The following SCN10A variants were observed in gnomAD, a reference collection of about 807,000 sequenced individuals.
The protein encoded by SCN10A is sodium voltage-gated channel alpha subunit 10.
SCN10A carries 162 observed loss-of-function variants against 170.7 expected under a neutral mutation model. The observed-to-expected ratio is 0.95, with a 90% CI of 0.84 to 1.08. The LOEUF (loss-of-function observed/expected upper bound fraction) is 1.08, where lower values mean the gene tolerates loss of function less well. Ranked by LOEUF, SCN10A falls within the 50% of genes least tolerant of loss-of-function variation. SCN10A has a pLI of 0.00. For missense variants in SCN10A, 2,527 were observed against 2,436.9 expected, an observed-to-expected ratio of 1.04 and a Z score of -0.78; for synonymous variants, 985 against 904.6, an observed-to-expected ratio of 1.09 and a Z score of -1.59.
chr3:38,758,591 A>G (rs1039376405), intron 8 of SCN10A, among the ~76,000 whole-genome samples: 2 of 152,136 alleles, frequency 1.3e-5, no homozygotes, highest in Non-Finnish European at 2.9e-5. Context: ...CTGCCTTGAG[A>G]CCCCTGACCT....
At chr3:38,731,395 C>T (rs2063512122) in intron 15 of SCN10A, among the ~76,000 whole-genome samples, 3 of 152,188 alleles carry the variant, frequency 2.0e-5, no homozygotes, top group Middle Eastern at 6.8e-3. Flanking sequence ...GTGTAATATA[C>T]AAGAATGTGA....
intron 4 of SCN10A, among the ~76,000 whole-genome samples, chr3:38,775,186 C>T (rs2064057739): frequency 6.6e-6 from 1 of 152,184 alleles, no homozygotes; most frequent in South Asian, 2.1e-4. Flanking sequence ...TCACCACTAT[C>T]TGTTTCCAAA....
chr3:38,752,145 A>G (rs776808849), intron 12 of SCN10A, 74 bp downstream of exon 12: 50 of 1,335,612 alleles, frequency 3.7e-5, no homozygotes, highest in South Asian at 6.9e-5. Flanking sequence ...TCCATTGGTG[A>G]TACTCAGGCT....
At position 38,723,545 on chromosome 3, in the gene SCN10A, G is replaced by T. The variant is rs745921364; in HGVS notation, c.3237C>A (p.Asp1079Glu). Residue 1079 changes from aspartate (D) to glutamate (E), a missense_variant, in exon 19 of 28, where the codon GAC becomes GAA. Physicochemically the swap from Asp to Glu is conservative, Grantham distance 45. Transcript: ENST00000449082. Reference sequence around the variant, plus strand: ...TGCTGCCCTCAGAGGAGCTTGTGTCGTCCACTCCCTGCAGGGGAGAAGCCC... The same window carrying T: ...TGCTGCCCTCAGAGGAGCTTGTGTCTTCCACTCCCTGCAGGGGAGAAGCCC... ...SVPQVPAEGV[D>E]DTSSSEGSTV... 1.3e-5 allele frequency: 21 copies of T among 1,594,086 alleles called. No individual in the cohort carries two copies. The highest frequency in any genetic ancestry group is 1.5e-5 in the Non-Finnish European group (18 of 1,169,578).
intron 1 of SCN10A, among the ~76,000 whole-genome samples, chr3:38,800,839 G>C (rs1440836551): frequency 6.6e-6 from 1 of 152,012 alleles, no homozygotes; most frequent in Admixed American, 6.6e-5. Context: ...GGACCCACTG[G>C]GTCTCTTCTT....
At chr3:38,704,578 G>C (rs2063190297) in intron 26 of SCN10A, among the ~76,000 whole-genome samples, 1 of 152,184 alleles carries the variant, frequency 6.6e-6, no homozygotes, top group African/African-American at 2.4e-5. Flanking sequence ...ATATTCTCTA[G>C]AGCCTATTAT....
At chr3:38,803,496 TG>T (rs1433303382) in intron 1 of SCN10A, among the ~76,000 whole-genome samples, 2 of 152,202 alleles carry the variant, frequency 1.3e-5, no homozygotes, top group African/African-American at 4.8e-5. Flanking sequence ...TCATGTCCTT[TG>T]TAGGGACATG....
chr3:38,795,535 T>C (rs1348464822), intron 1 of SCN10A, among the ~76,000 whole-genome samples: 2 of 151,894 alleles, frequency 1.3e-5, no homozygotes, highest in Non-Finnish European at 2.9e-5. Context: ...GTAGGCAGTG[T>C]ACCACTATAT....
rs138739418 is a variant in SCN10A, at chr3:38,793,879, C to T, written c.132G>A (p.Gln44=). 41 of 1,613,998 alleles carry T rather than the reference C, an allele frequency of 2.5e-5. No homozygotes were observed. Among genetic ancestry groups the T allele is most frequent in the Non-Finnish European group, 3.4e-5 (40 of 1,179,990 alleles). The change falls in exon 2 of 28, where the codon CAG becomes CAA. Residue 44 remains glutamine, a synonymous_variant. Transcript: ENST00000449082. ...GCCGAGGCTTCTCTTCTTGGTCCTT[C>T]TGCTCCCTATGCTTCTCTCTGGCTT... ...TKKAREKHRE[Q]KDQEEKPRPQ...
intron 6 of SCN10A, among the ~76,000 whole-genome samples, chr3:38,762,275 T>C (rs2063883085): frequency 2.6e-5 from 4 of 152,052 alleles, no homozygotes; most frequent in Admixed American, 2.6e-4. Flanking sequence ...GCATGTCGAG[T>C]GCCGTTGTCT....
At chr3:38,789,085 T>C in intron 3 of SCN10A, 49 bp from the exon 4 acceptor site, 1 of 1,056,290 alleles carries the variant, frequency 9.5e-7, no homozygotes, top group Non-Finnish European at 1.5e-6. Context: ...GTCTCTGTGA[T>C]GTCATCTAGG....
intron 1 of SCN10A, among the ~76,000 whole-genome samples, chr3:38,808,509 G>C (rs1246113326): frequency 6.6e-6 from 1 of 152,260 alleles, no homozygotes; most frequent in Non-Finnish European, 1.5e-5. Context: ...TTCCTCTGCT[G>C]TATCCTCAGC....
intron 11 of SCN10A, 145 bp downstream of exon 11, chr3:38,755,643 A>G: frequency 2.4e-6 from 2 of 847,866 alleles, no homozygotes. Context: ...CTAGTTTAAG[A>G]CACCATTTTG....
At position 38,697,709 on chromosome 3, in the gene SCN10A, T is replaced by C; in HGVS notation, c.5511A>G (p.Ser1837=). ...EKFMATNLSK[S]SYEPIATTLR... is the part of the protein sequence containing the mutation. The stretch of plus-strand genomic sequence containing the variant: ...GAGTGGTTGCTATTGGTTCATAGGA[T>C]GATTTTGAAAGATTAGTTGCCATAA... The change falls in exon 28 of 28, where the codon TCA becomes TCG. Residue 1837 remains serine (S), a synonymous_variant. Transcript: ENST00000449082. The C allele has an allele frequency of 6.2e-7, 1 of 1,614,108 alleles. No individual in the cohort carries two copies. The highest frequency in any genetic ancestry group is 8.5e-7 in the Non-Finnish European group (1 of 1,180,014).
chr3:38,791,301 A>C (rs1219279766), intron 3 of SCN10A, among the ~76,000 whole-genome samples: 1 of 152,206 alleles, frequency 6.6e-6, no homozygotes, highest in Admixed American at 6.5e-5. Context: ...TTAGGAAACC[A>C]AACCAAAGTA....
intron 3 of SCN10A, 68 bp from the exon 4 acceptor site, chr3:38,789,104 G>T (rs990030055): frequency 1.2e-6 from 1 of 856,896 alleles, no homozygotes; most frequent in Non-Finnish European, 2.0e-6. Flanking sequence ...GGATCACCTT[G>T]ATGCTGAATG....
In SCN10A at chr3:38,805,607, A is replaced by C. The variant is rs147627502; in HGVS notation, c.-33+10430T>G. Among the ~76,000 whole-genome samples the C allele has an allele frequency of 2.2e-3, 333 of 152,254 alleles. 1 individual carries two copies. Among genetic ancestry groups the C allele is most frequent in the Non-Finnish European group, 3.1e-3 (210 of 67,996 alleles). ...TCTGATGGGAGCAACAGGACACCGGACATATGAGTAAGCTGTCTAGGAAAG... is the reference window on the plus strand; with the variant it reads ...TCTGATGGGAGCAACAGGACACCGGCCATATGAGTAAGCTGTCTAGGAAAG... On this transcript the variant is annotated intron_variant, in intron 1 of 27. Coordinates refer to ENST00000449082, the MANE Select transcript of SCN10A (RefSeq NM_006514.4).
intron 20 of SCN10A, among the ~76,000 whole-genome samples, chr3:38,721,115 G>A (rs561665122): frequency 1.9e-4 from 29 of 152,240 alleles, no homozygotes; most frequent in African/African-American, 6.7e-4. Context: ...ATCCTGCCTC[G>A]TCCCGCACCT....
intron 16 of SCN10A, 110 bp downstream of exon 16, chr3:38,728,432 C>A: frequency 1.6e-6 from 2 of 1,232,748 alleles, no homozygotes; most frequent in African/African-American, 1.5e-5. Context: ...ACTTTTCAAC[C>A]AGAGAAGTAC....
Sources: gnomAD v4.1 joint callset for allele counts (sites outside exome capture counted in the v4.1 genomes callset) on GRCh38, gnomAD v4.1.1 for gene constraint, MANE v1.5 for transcripts, NCBI Gene and HGNC (gene_info 2026-07-23, HGNC 2026-07-21) for gene names.